The following DSCAML1 variants were observed in gnomAD, a reference collection of about 807,000 sequenced individuals.
DSCAML1 encodes the protein DS cell adhesion molecule like 1, also known as cell adhesion molecule DSCAML1.
In DSCAML1, 38 loss-of-function variants were observed where a neutral mutation model predicts 200.5. The observed-to-expected ratio is 0.19, with a 90% CI of 0.15 to 0.25. The LOEUF is 0.25. Among genes scored for constraint, DSCAML1 ranks in the 10% least tolerant of loss-of-function variants. The probability of loss-of-function intolerance (pLI) is 1.00; values close to 1 mark genes in which losing one functional copy is unlikely to be tolerated. For synonymous variants in DSCAML1, 1,215 were observed against 1,165.0 expected, an observed-to-expected ratio of 1.04 and a Z score of -0.87; for missense variants, 2,223 against 2,858.8, an observed-to-expected ratio of 0.78 and a Z score of 5.07.
intron 11 of DSCAML1, among the ~76,000 whole-genome samples, chr11:117,496,842 G>A (rs1230135706): frequency 6.6e-6 from 1 of 152,210 alleles, no homozygotes; most frequent in Non-Finnish European, 1.5e-5. Flanking sequence ...CTTGTCAGGG[G>A]ACCAGGGCGA....
chr11:117,708,776 G>A (rs540184938), intron 3 of DSCAML1, among the ~76,000 whole-genome samples: 6 of 152,336 alleles, frequency 3.9e-5, no homozygotes, highest in Admixed American at 1.3e-4. Flanking sequence ...ATACCATTGC[G>A]TGGACCTATG....
At chr11:117,669,961 G>A (rs1488921397) in intron 3 of DSCAML1, among the ~76,000 whole-genome samples, 3 of 152,262 alleles carry the variant, frequency 2.0e-5, no homozygotes, top group Non-Finnish European at 2.9e-5. Flanking sequence ...AGCAAGAGCT[G>A]ATGGCCTGGC....
At chr11:117,559,898 G>C (rs1459541938) in intron 3 of DSCAML1, among the ~76,000 whole-genome samples, 1 of 152,128 alleles carries the variant, frequency 6.6e-6, no homozygotes, top group Admixed American at 6.5e-5. Context: ...GGAAGGAAGG[G>C]CCTAGAGTTG....
At chr11:117,554,425 G>A (rs2137399094) in intron 3 of DSCAML1, among the ~76,000 whole-genome samples, 1 of 152,250 alleles carries the variant, frequency 6.6e-6, no homozygotes, top group South Asian at 2.1e-4. Context: ...CTGTCACCCA[G>A]GCTGGAGTGC....
At position 117,780,248 on chromosome 11, in the gene DSCAML1, G is replaced by GAAAGAA. The variant is rs1565280794; in HGVS notation, c.364+239_364+244dup. Among the ~76,000 whole-genome samples the GAAAGAA allele has an allele frequency of 1.2e-4, 9 of 76,668 alleles. No homozygotes were observed. The highest frequency in any genetic ancestry group is 3.8e-4 in the African/African-American group (9 of 23,678). The allele number at this position is 76,668 out of a possible 152,430, so 50.3% of individuals were successfully genotyped here. On this transcript the variant is annotated intron_variant, in intron 2 of 32. Transcript: ENST00000651296. This position sits in a 1 kb window ranked among gnomAD's most constrained non-coding sequence, Gnocchi z 4.8. ...GAAAGAAAGGAAAGAAAGAAAGAAAGAAAGAAAGAAAGAAAGAAAGAAAGA... is the reference window on the plus strand; with the variant it reads ...GAAAGAAAGGAAAGAAAGAAAGAAAGAAAGAAAAAGAAAGAAAGAAAGAAAGAAAGA...
At chr11:117,715,864 C>T (rs1003105246) in intron 3 of DSCAML1, among the ~76,000 whole-genome samples, 3 of 152,174 alleles carry the variant, frequency 2.0e-5, no homozygotes, top group Admixed American at 6.5e-5. Context: ...ATATAACCCT[C>T]CTCTATCCAT....
intron 1 of DSCAML1, among the ~76,000 whole-genome samples, chr11:117,809,016 C>T (rs1010272044): frequency 7.9e-5 from 12 of 152,246 alleles, no homozygotes; most frequent in African/African-American, 2.9e-4. Flanking sequence ...ACGCCCACGC[C>T]TGTCTACCCT....
intron 8 of DSCAML1, among the ~76,000 whole-genome samples, chr11:117,514,381 C>T (rs1485703057): frequency 1.3e-5 from 2 of 152,078 alleles, no homozygotes; most frequent in African/African-American, 4.8e-5. Flanking sequence ...TCTTCCACAC[C>T]CTCCCTGGCA....
rs201138104 is a variant in DSCAML1 at position 117,780,183 on chromosome 11, A to AAAAG, written c.364+306_364+309dup. ...AGAAAGAAAGAAAGAAAAAAAGAAA[A>AAAAG]AAAGAAAGAAAGAAAGAGAAAGAAA... On this transcript the variant is annotated intron_variant, in intron 2 of 32. Transcript: ENST00000651296. This position sits in a 1 kb window ranked among gnomAD's most constrained non-coding sequence, Gnocchi z 4.8. Among the ~76,000 whole-genome samples, 12 of 108,542 alleles carry AAAAG rather than the reference A, an allele frequency of 1.1e-4. No individual in the cohort carries two copies. The highest frequency in any genetic ancestry group is 2.4e-4 in the Non-Finnish European group (12 of 51,012). 71.2% of individuals were successfully genotyped at this position (108,542 alleles called of 152,430 possible).
At chr11:117,657,009 T>G (rs1271552335) in intron 3 of DSCAML1, among the ~76,000 whole-genome samples, 2 of 152,006 alleles carry the variant, frequency 1.3e-5, no homozygotes, top group Non-Finnish European at 2.9e-5. Flanking sequence ...ATATAAGGGG[T>G]CTTCACACTG....
intron 3 of DSCAML1, among the ~76,000 whole-genome samples, chr11:117,741,041 T>C (rs539008585): frequency 6.6e-6 from 1 of 152,372 alleles, no homozygotes; most frequent in African/African-American, 2.4e-5. Flanking sequence ...ACTACCAATG[T>C]GGGGTACATT....
rs561121534 is a variant in DSCAML1 at position 117,796,617 on chromosome 11, G to A, written c.46+417C>T. On this transcript the variant is annotated intron_variant, in intron 1 of 32. Coordinates refer to ENST00000651296, the MANE Select transcript of DSCAML1 (RefSeq NM_020693.4). ...GGAGGAATCAGCCGCCGAGTCCGAG[G>A]CCTGAATAAGCAAGGACTCCTAGGT... Among the ~76,000 whole-genome samples the A allele has an allele frequency of 2.0e-5, 3 of 152,348 alleles. No individual in the cohort carries two copies. The South Asian group carries it at 6.2e-4, about 32-fold the overall frequency.
intron 11 of DSCAML1, among the ~76,000 whole-genome samples, chr11:117,492,741 C>T (rs376108263): frequency 1.3e-5 from 2 of 152,186 alleles, no homozygotes; most frequent in African/African-American, 2.4e-5. Flanking sequence ...GTGGGAGCAG[C>T]GCTTCACTCA....
intron 20 of DSCAML1, among the ~76,000 whole-genome samples, chr11:117,448,931 A>G (rs1213955865): frequency 6.6e-6 from 1 of 152,212 alleles, no homozygotes; most frequent in Non-Finnish European, 1.5e-5. Flanking sequence ...CCATTTGAAG[A>G]GTTCCAAACT....
chr11:117,532,145 A>G (rs898340846), intron 4 of DSCAML1, among the ~76,000 whole-genome samples: 4 of 144,672 alleles, frequency 2.8e-5, no homozygotes, highest in African/African-American at 1.1e-4. Context: ...AAAAAAAGGA[A>G]AAAAAAGGGA....
intron 3 of DSCAML1, among the ~76,000 whole-genome samples, chr11:117,742,863 AT>A (rs530528039): frequency 2.1e-4 from 32 of 152,330 alleles, no homozygotes; most frequent in Middle Eastern, 3.4e-3. Flanking sequence ...CAGCCTTGAC[AT>A]ACCCAGAGAC....
intron 3 of DSCAML1, among the ~76,000 whole-genome samples, chr11:117,695,318 T>TTC (rs1555199682): frequency 8.4e-5 from 11 of 130,438 alleles, no homozygotes; most frequent in African/African-American, 4.5e-4. Flanking sequence ...TCTTTTTCTT[T>TTC]TTTTTTTTTT....
chr11:117,647,537 C>A (rs1286771750), intron 3 of DSCAML1, among the ~76,000 whole-genome samples: 1 of 152,188 alleles, frequency 6.6e-6, no homozygotes, highest in Non-Finnish European at 1.5e-5. Flanking sequence ...AAAGAACAAG[C>A]AAACTGGTGC....
intron 3 of DSCAML1, among the ~76,000 whole-genome samples, chr11:117,744,427 A>C (rs2054478932): frequency 6.6e-6 from 1 of 152,234 alleles, no homozygotes. Context: ...AACAAGCCCC[A>C]GTTGATGCCA....
Sources: allele counts gnomAD v4.1 joint callset (sites outside exome capture counted in the v4.1 genomes callset), GRCh38; gene constraint gnomAD v4.1.1; non-coding constraint Gnocchi (gnomAD v3.1); transcripts MANE v1.5; gene names NCBI Gene and HGNC (gene_info 2026-07-23, HGNC 2026-07-21).